Variants in HS6ST3 observed in about 807,000 individuals in gnomAD.
HS6ST3 encodes heparan-sulfate 6-O-sulfotransferase 3.
HS6ST3 carries 12 observed loss-of-function variants against 36.7 expected under a neutral mutation model. The observed-to-expected ratio is 0.33, with a 90% confidence interval of 0.21 to 0.53. The LOEUF is 0.53. Among genes scored for constraint, HS6ST3 ranks in the 20% least tolerant of loss-of-function variants. The probability of loss-of-function intolerance (pLI) is 0.95; values close to 1 mark genes in which losing one functional copy is unlikely to be tolerated. For synonymous variants in HS6ST3, 240 were observed against 257.5 expected (o/e 0.93, Z 0.65); for missense variants, 584 against 640.9 (o/e 0.91, Z 0.96).
intron 1 of HS6ST3, among the ~76,000 whole-genome samples, chr13:96,705,973 A>C (rs1174304502): frequency 6.6e-6 from 1 of 152,124 alleles, no homozygotes; most frequent in Admixed American, 6.6e-5. Flanking sequence ...TTAGATATCT[A>C]AGTATTCTCC....
chr13:96,762,124 A>C (rs554699731), intron 1 of HS6ST3, among the ~76,000 whole-genome samples: 1 of 152,274 alleles, frequency 6.6e-6, no homozygotes, highest in African/African-American at 2.4e-5. Context: ...GCTTGCAATT[A>C]AAATCTGTAA....
intron 1 of HS6ST3, among the ~76,000 whole-genome samples, chr13:96,185,674 C>A (rs1381259012): frequency 6.6e-6 from 1 of 152,088 alleles, no homozygotes; most frequent in Non-Finnish European, 1.5e-5. Context: ...GCTGATATAC[C>A]AAAACACACA....
At chr13:96,693,298 G>GATT (rs1594837830) in intron 1 of HS6ST3, among the ~76,000 whole-genome samples, 2 of 151,838 alleles carry the variant, frequency 1.3e-5, no homozygotes, top group African/African-American at 4.8e-5. Context: ...GATTTGGCCA[G>GATT]ATTATTATTA....
At chr13:96,810,020 G>T (rs1878282876) in intron 1 of HS6ST3, among the ~76,000 whole-genome samples, 1 of 152,114 alleles carries the variant, frequency 6.6e-6, no homozygotes, top group African/African-American at 2.4e-5. Context: ...AAGGAAAAAA[G>T]TGCCAAATAG....
Position 96,494,690 on chromosome 13 carries a change from C to T in HS6ST3, c.708-337800C>T, listed in dbSNP as rs539825183. Among the ~76,000 whole-genome samples the T allele has an allele frequency of 1.1e-4, 17 of 151,982 alleles. No homozygotes were observed. The South Asian group carries it at 2.9e-3, about 26-fold the overall frequency. ...ACACACACACATACACACACACACA[C>T]GAGGTAAGAGATAAGAAAAAGATAA... On this transcript the variant is annotated intron_variant, in intron 1 of 1. Coordinates refer to ENST00000376705, the MANE Select transcript of HS6ST3 (RefSeq NM_153456.4).
intron 1 of HS6ST3, among the ~76,000 whole-genome samples, chr13:96,147,020 G>T (rs889871307): frequency 2.0e-5 from 3 of 152,176 alleles, no homozygotes; most frequent in African/African-American, 7.2e-5. Context: ...GCAGAAAGAT[G>T]AAGAAAAGTC....
intron 1 of HS6ST3, among the ~76,000 whole-genome samples, chr13:96,452,447 G>A (rs1472216657): frequency 6.6e-6 from 1 of 152,020 alleles, no homozygotes; most frequent in East Asian, 1.9e-4. Flanking sequence ...TTAATATTTT[G>A]GAGGCAGACT....
Position 96,154,538 on chromosome 13 carries a change from T to C in HS6ST3, c.707+62969T>C, listed in dbSNP as rs574270351. On this transcript the variant is annotated intron_variant, in intron 1 of 1. Coordinates refer to ENST00000376705, the MANE Select transcript of HS6ST3 (RefSeq NM_153456.4). ...ATCAGTAAAATGTCAAGGATAATTCTAATATTCTTACTCTTAGTATTAAAT... is the reference window on the plus strand; with the variant it reads ...ATCAGTAAAATGTCAAGGATAATTCCAATATTCTTACTCTTAGTATTAAAT... 6.7e-4 allele frequency among the ~76,000 whole-genome samples: 102 copies of C among 152,266 alleles called. 1 individual carries two copies. Among genetic ancestry groups the C allele is most frequent in the Admixed American group, 2.2e-3 (33 of 15,296 alleles).
intron 1 of HS6ST3, among the ~76,000 whole-genome samples, chr13:96,349,614 T>TA (rs1176553197): frequency 6.6e-6 from 1 of 152,200 alleles, no homozygotes; most frequent in Non-Finnish European, 1.5e-5. Flanking sequence ...AGTTTTAGCT[T>TA]GCCAGTGATG....
At chr13:96,442,390 A>G (rs1566362262) in intron 1 of HS6ST3, among the ~76,000 whole-genome samples, 2 of 152,190 alleles carry the variant, frequency 1.3e-5, no homozygotes, top group African/African-American at 4.8e-5. Context: ...AGAAAAAAAA[A>G]GATCCACATT....
chr13:96,481,459 T>C (rs1028246687), intron 1 of HS6ST3, among the ~76,000 whole-genome samples: 13 of 151,960 alleles, frequency 8.6e-5, no homozygotes, highest in African/African-American at 2.4e-4. Flanking sequence ...GAATTAAGAG[T>C]AGAAAAACAA....
At position 96,242,984 on chromosome 13, in the gene HS6ST3, A is replaced by T. The variant is rs1456447252; in HGVS notation, c.707+151415A>T. ...AAAGAAAATGTGGTATACACATACC[A>T]TGTATGTAATTTTAATTTTTCTTAT... On this transcript the variant is annotated intron_variant, in intron 1 of 1. Coordinates refer to ENST00000376705, the MANE Select transcript of HS6ST3 (RefSeq NM_153456.4). 3.3e-5 allele frequency among the ~76,000 whole-genome samples: 5 copies of T among 152,376 alleles called. No individual in the cohort carries two copies. The East Asian group carries it at 9.6e-4, about 29-fold the overall frequency.
intron 1 of HS6ST3, among the ~76,000 whole-genome samples, chr13:96,158,021 A>C (rs765474142): frequency 6.6e-6 from 1 of 152,222 alleles, no homozygotes; most frequent in Non-Finnish European, 1.5e-5. Flanking sequence ...ACTGGTGTAC[A>C]CAAAGTGGTT....
intron 1 of HS6ST3, among the ~76,000 whole-genome samples, chr13:96,531,885 A>C (rs558004560): frequency 6.6e-6 from 1 of 152,204 alleles, no homozygotes; most frequent in Admixed American, 6.5e-5. Flanking sequence ...AATAAACACA[A>C]TGGTCTCTGA....
chr13:96,428,455 G>T (rs766698194), intron 1 of HS6ST3, among the ~76,000 whole-genome samples: 5 of 152,130 alleles, frequency 3.3e-5, no homozygotes, highest in African/African-American at 4.8e-5. Context: ...AGCAGGGTTG[G>T]TTTCTTTTGT....
chr13:96,381,378 C>CTATGTATCTGTG (rs1403992571), intron 1 of HS6ST3, among the ~76,000 whole-genome samples: 1 of 137,016 alleles, frequency 7.3e-6, no homozygotes, highest in African/African-American at 2.9e-5. Context: ...ATTTATCCAT[C>CTATGTATCTGTG]TATCTATGTA....
At chr13:96,296,340 C>A (rs1311919800) in intron 1 of HS6ST3, among the ~76,000 whole-genome samples, 1 of 152,130 alleles carries the variant, frequency 6.6e-6, no homozygotes, top group Non-Finnish European at 1.5e-5. Flanking sequence ...CAGCTCCTCC[C>A]TAGAGGAGCA....
intron 1 of HS6ST3, among the ~76,000 whole-genome samples, chr13:96,792,852 C>T (rs752368912): frequency 3.9e-5 from 6 of 151,990 alleles, no homozygotes; most frequent in Non-Finnish European, 7.4e-5. Context: ...CTTGTGGTGG[C>T]ATATGTTTAT....
intron 1 of HS6ST3, among the ~76,000 whole-genome samples, chr13:96,673,480 ATTTTG>A (rs1204586686): frequency 6.6e-6 from 1 of 151,972 alleles, no homozygotes; most frequent in African/African-American, 2.4e-5. Context: ...TTCATCAATC[ATTTTG>A]TTTTGTAGGC....
Sources: gnomAD v4.1 joint callset for allele counts (sites outside exome capture counted in the v4.1 genomes callset) on GRCh38, gnomAD v4.1.1 for gene constraint, MANE v1.5 for transcripts, NCBI Gene and HGNC (gene_info 2026-07-23, HGNC 2026-07-21) for gene names.